PITPNC1: variants seen among roughly 807,000 people sequenced by gnomAD.
PITPNC1 encodes the protein phosphatidylinositol transfer protein cytoplasmic 1.
A neutral mutation model predicts 44.7 loss-of-function variants in PITPNC1; 18 were observed. That is an observed-to-expected ratio of 0.40 (90% confidence interval 0.28 to 0.60). The LOEUF (loss-of-function observed/expected upper bound fraction) is 0.60, where lower values mean the gene tolerates loss of function less well. PITPNC1 is among the 20% of genes least tolerant of loss of function. The pLI is 0.39. For missense variants in PITPNC1, 290 were observed against 418.4 expected (o/e 0.69, Z 2.68); for synonymous variants, 141 against 149.6 (o/e 0.94, Z 0.42).
chr17:67,569,363 G>A (rs942206116), intron 4 of PITPNC1, among the ~76,000 whole-genome samples: 1 of 152,272 alleles, frequency 6.6e-6, no homozygotes, highest in African/African-American at 2.4e-5. Context: ...ACTGAACCTG[G>A]GAGGGCTTGT....
At chr17:67,396,084 T>C (rs542372118) in intron 1 of PITPNC1, among the ~76,000 whole-genome samples, 12 of 152,342 alleles carry the variant, frequency 7.9e-5, no homozygotes, top group African/African-American at 2.9e-4. Context: ...GTACTGCAGA[T>C]ATGGGCATAC....
chr17:67,414,619 G>A (rs2038559247), intron 1 of PITPNC1, among the ~76,000 whole-genome samples: 2 of 152,160 alleles, frequency 1.3e-5, no homozygotes, highest in African/African-American at 2.4e-5. Context: ...GGATGCTTTT[G>A]TGTTACAATG....
At chr17:67,473,550 G>A (rs1299581243) in intron 1 of PITPNC1, among the ~76,000 whole-genome samples, 2 of 151,812 alleles carry the variant, frequency 1.3e-5, no homozygotes, top group Non-Finnish European at 1.5e-5. Context: ...TGATCTGCAC[G>A]CCTCAGCCTC....
chr17:67,637,703 G>C (rs1567752982), intron 6 of PITPNC1: 1 of 152,232 alleles, frequency 6.6e-6, no homozygotes, highest in Non-Finnish European at 1.5e-5. Flanking sequence ...CATGCTTTGG[G>C]GATTCAGGAC....
rs1346536407 is a variant in PITPNC1 at position 67,597,813 on chromosome 17, A to G, written c.366+19556A>G. On this transcript the variant is annotated intron_variant, in intron 5 of 8. Coordinates refer to ENST00000581322, the MANE Select transcript of PITPNC1 (RefSeq NM_012417.4). This position sits in a 1 kb window ranked among gnomAD's most constrained non-coding sequence, Gnocchi z 4.0. ...GGAGAACACATGCTAGAGGGTGAGA[A>G]TGGGTAGACAGGCAAGATCGTGATG... Among the ~76,000 whole-genome samples, 1 of 152,176 alleles carries G rather than the reference A, an allele frequency of 6.6e-6. No homozygotes were observed. Among genetic ancestry groups the G allele is most frequent in the African/African-American group, 2.4e-5 (1 of 41,446 alleles).
intron 1 of PITPNC1, among the ~76,000 whole-genome samples, chr17:67,531,095 T>C (rs2040454721): frequency 1.3e-5 from 2 of 151,764 alleles, no homozygotes; most frequent in Non-Finnish European, 2.9e-5. Flanking sequence ...ATACAAAAAT[T>C]AGCTGGGCGT....
At chr17:67,463,859 A>G (rs2039383208) in intron 1 of PITPNC1, among the ~76,000 whole-genome samples, 1 of 151,682 alleles carries the variant, frequency 6.6e-6, no homozygotes, top group Admixed American at 6.6e-5. Flanking sequence ...GCACCACTGC[A>G]CTCCAGTGTG....
At chr17:67,525,506 T>C (rs1344298762) in intron 1 of PITPNC1, 6 of 152,246 alleles carry the variant, frequency 3.9e-5, no homozygotes, top group Admixed American at 3.9e-4. Flanking sequence ...AGCTGTGCTG[T>C]GGGATTACCA....
At chr17:67,460,689 A>C (rs1020910057) in intron 1 of PITPNC1, among the ~76,000 whole-genome samples, 2 of 146,838 alleles carry the variant, frequency 1.4e-5, no homozygotes, top group African/African-American at 5.1e-5. Context: ...TGTTGGGATT[A>C]CAGGCATGAG....
intron 1 of PITPNC1, among the ~76,000 whole-genome samples, chr17:67,432,600 G>A (rs1019927698): frequency 1.3e-5 from 2 of 152,194 alleles, no homozygotes; most frequent in African/African-American, 2.4e-5. Context: ...TATAATTTTT[G>A]TGATATCTGC....
intron 1 of PITPNC1, among the ~76,000 whole-genome samples, chr17:67,492,932 G>T (rs577165477): frequency 6.6e-6 from 1 of 152,124 alleles, no homozygotes; most frequent in South Asian, 2.1e-4. Context: ...TTGGGGCTAC[G>T]ACAAAGAGTG....
intron 1 of PITPNC1, among the ~76,000 whole-genome samples, chr17:67,468,215 A>G (rs913857138): frequency 6.6e-6 from 1 of 152,072 alleles, no homozygotes; most frequent in Non-Finnish European, 1.5e-5. Flanking sequence ...CAGCTGATGA[A>G]GATAGTACAG....
chr17:67,681,572 G>A (rs1053018065), intron 8 of PITPNC1, among the ~76,000 whole-genome samples: 1 of 126,312 alleles, frequency 7.9e-6, no homozygotes, highest in African/African-American at 3.1e-5. Flanking sequence ...TCACACCACT[G>A]CACTCCAGCC....
At chr17:67,692,512 A>C in intron 8 of PITPNC1, 60 bp from the exon 9 acceptor site, 1 of 1,191,850 alleles carries the variant, frequency 8.4e-7, no homozygotes, top group Admixed American at 1.8e-5. Flanking sequence ...GGTAGTGATG[A>C]ATCTATTTGC....
intron 1 of PITPNC1, among the ~76,000 whole-genome samples, chr17:67,422,143 A>G (rs1297605258): frequency 6.6e-6 from 1 of 152,206 alleles, no homozygotes. Context: ...GGATGTGCCA[A>G]CATACGCTTC....
At chr17:67,518,919 G>C (rs2040291329) in intron 1 of PITPNC1, among the ~76,000 whole-genome samples, 1 of 152,200 alleles carries the variant, frequency 6.6e-6, no homozygotes, top group Admixed American at 6.5e-5. Flanking sequence ...TGTAGCCTGG[G>C]TGACAGAGCA....
At chr17:67,648,498 T>C (rs1344201050) in intron 6 of PITPNC1, among the ~76,000 whole-genome samples, 1 of 152,204 alleles carries the variant, frequency 6.6e-6, no homozygotes. Context: ...TGAATGACCT[T>C]ATTGCTTTTG....
chr17:67,402,127 A>AT (rs1451850893), intron 1 of PITPNC1, among the ~76,000 whole-genome samples: 1 of 152,250 alleles, frequency 6.6e-6, no homozygotes, highest in Non-Finnish European at 1.5e-5. Flanking sequence ...ACCTCGTAAC[A>AT]TGAAAGCAGG....
Position 67,438,236 on chromosome 17 carries a change from G to A in PITPNC1, c.48+60034G>A, listed in dbSNP as rs544330881. ...TAGTCAGTGCAGCCACCATCATTCC[G>A]CTGTGTGCCTTCTAAGCTGTTCTGG... On this transcript the variant is annotated intron_variant, in intron 1 of 8. Coordinates refer to ENST00000581322, the MANE Select transcript of PITPNC1 (RefSeq NM_012417.4). 5.3e-5 allele frequency among the ~76,000 whole-genome samples: 8 copies of A among 152,000 alleles called. No individual in the cohort carries two copies. In the East Asian group the frequency reaches 1.2e-3, roughly 22 times the overall value.
Sources: gnomAD v4.1 joint callset for allele counts (sites outside exome capture counted in the v4.1 genomes callset) on GRCh38, gnomAD v4.1.1 for gene constraint, Gnocchi (gnomAD v3.1) non-coding constraint, MANE v1.5 for transcripts, NCBI Gene and HGNC (gene_info 2026-07-23, HGNC 2026-07-21) for gene names.